Variants in TENM1 observed in about 807,000 individuals in gnomAD.
TENM1 encodes the protein teneurin transmembrane protein 1.
A neutral mutation model predicts 174.8 loss-of-function variants in TENM1; 35 were observed. The observed-to-expected ratio is 0.20, with a 90% CI of 0.15 to 0.27. TENM1 has a LOEUF of 0.27. TENM1 is among the 10% of genes least tolerant of loss of function. The pLI, the probability that TENM1 is intolerant of heterozygous loss-of-function variation, is 1.00. For synonymous variants in TENM1, 781 were observed against 798.7 expected (o/e 0.98, Z 0.37); for missense variants, 1,633 against 2,130.1 (o/e 0.77, Z 4.59).
At chrX:124,582,235 T>A (rs1321650172) in intron 11 of TENM1, among the ~76,000 whole-genome samples, 1 of 112,515 alleles carries the variant, frequency 8.9e-6, no homozygotes, top group South Asian at 3.7e-4. Context: ...TAAGGCTGCA[T>A]AGTATTCCAT....
At position 124,576,488 on chromosome X, in the gene TENM1, G is replaced by A. The variant is rs143835017; in HGVS notation, c.2078-10928C>T. On this transcript the variant is annotated intron_variant, in intron 11 of 31. Coordinates refer to ENST00000422452, the Ensembl canonical transcript of TENM1. ...CTTAGACTTTCTTATCATAATTGCCGTCTAGGTGCAGTTTGTGACCACCTA... is the reference window on the plus strand; with the variant it reads ...CTTAGACTTTCTTATCATAATTGCCATCTAGGTGCAGTTTGTGACCACCTA... Among the ~76,000 whole-genome samples the A allele has an allele frequency of 3.7e-3, 418 of 112,005 alleles. 1 individual carries two copies. The highest frequency in any genetic ancestry group is 0.013 in the African/African-American group (394 of 30,880).
At position 124,676,437 on chromosome X, in the gene TENM1, G is replaced by A. The variant is rs4402009; in HGVS notation, c.1016-4602C>T. Among the ~76,000 whole-genome samples, 14 of 101,837 alleles carry A rather than the reference G, an allele frequency of 1.4e-4. No homozygotes were observed. The South Asian group carries it at 6.5e-3, about 48-fold the overall frequency. 88.4% of individuals were successfully genotyped at this position (101,837 alleles called of 115,157 possible). A position where few individuals can be genotyped will look rare whatever the true frequency, so the allele number is the denominator to read the frequency against. ...TGTCTACTCAAATATTCCAGGAATGGTGTATTTTCAGCAGATTAAAAATGG... is the reference window on the plus strand; with the variant it reads ...TGTCTACTCAAATATTCCAGGAATGATGTATTTTCAGCAGATTAAAAATGG... On this transcript the variant is annotated intron_variant, in intron 5 of 31. Coordinates refer to ENST00000422452, the Ensembl canonical transcript of TENM1.
chrX:125,113,994 C>T, the TENM1 span, among the ~76,000 whole-genome samples: 4 of 110,760 alleles, frequency 3.6e-5, no homozygotes, highest in Non-Finnish European at 7.6e-5. Flanking sequence ...ATTCTAAAAT[C>T]GACCACATAA....
At chrX:124,450,555 G>A (rs961357593) in intron 23 of TENM1, among the ~76,000 whole-genome samples, 4 of 111,446 alleles carry the variant, frequency 3.6e-5, no homozygotes, top group South Asian at 3.8e-4. Context: ...TATCAGCAGC[G>A]TAAAAATGGA....
At position 124,733,144 on chromosome X, in the gene TENM1, G is replaced by A. The variant is rs957088742; in HGVS notation, c.776+3813C>T. Among the ~76,000 whole-genome samples the A allele has an allele frequency of 6.3e-5, 7 of 111,941 alleles. No homozygotes were observed. In the Admixed American group the frequency reaches 6.6e-4, roughly 11 times the overall value. On this transcript the variant is annotated intron_variant, in intron 4 of 31. Transcript: ENST00000422452. Reference sequence around the variant, plus strand: ...CCATTAATGTGAGGAACAGGTTGAAGGAATTGGGGAAACATTTAGCACAAA... The same window carrying A: ...CCATTAATGTGAGGAACAGGTTGAAAGAATTGGGGAAACATTTAGCACAAA...
At chrX:124,817,827 GAAGAA>G (rs1324829070) in intron 3 of TENM1, among the ~76,000 whole-genome samples, 1 of 111,620 alleles carries the variant, frequency 9.0e-6, no homozygotes, top group Non-Finnish European at 1.9e-5. Flanking sequence ...CCCCAGGAAA[GAAGAA>G]AAGAAAAGAA....
At chrX:124,419,152 T>C (rs1182336619) in intron 25 of TENM1, among the ~76,000 whole-genome samples, 1 of 112,299 alleles carries the variant, frequency 8.9e-6, no homozygotes, top group Non-Finnish European at 1.9e-5. Context: ...GACTTGCAAC[T>C]GAAACAACTG....
At chrX:124,990,718 C>T in the TENM1 span, among the ~76,000 whole-genome samples, 5 of 112,293 alleles carry the variant, frequency 4.5e-5, no homozygotes, top group Non-Finnish European at 9.4e-5. Context: ...CATTAACATA[C>T]TCTCAGTAAT....
At chrX:124,405,171 T>C (rs1869445564) in exon 27 of TENM1, 2 of 1,209,465 alleles carry the variant, frequency 1.7e-6, no homozygotes, top group Non-Finnish European at 2.2e-6. Context: ...CCTGCCAGGA[T>C]GTGGGGCTCT....
At chrX:124,381,041 T>C in exon 32 of TENM1, 1 of 1,211,831 alleles carries the variant, frequency 8.3e-7, no homozygotes, top group Non-Finnish European at 1.1e-6. Context: ...TTCCAGGTAA[T>C]GGGCATTATT....
At chrX:125,157,623 T>G in the TENM1 span, among the ~76,000 whole-genome samples, 5 of 111,964 alleles carry the variant, frequency 4.5e-5, no homozygotes, top group Non-Finnish European at 7.5e-5. Flanking sequence ...GGGAACGAAC[T>G]AGCATGCCTC....
intron 4 of TENM1, among the ~76,000 whole-genome samples, chrX:124,716,627 C>A (rs961620637): frequency 8.9e-6 from 1 of 112,077 alleles, no homozygotes; most frequent in Non-Finnish European, 1.9e-5. Flanking sequence ...AAATTGGTAG[C>A]CGGTGCCATT....
At chrX:124,753,641 T>G (rs2054143315) in intron 3 of TENM1, among the ~76,000 whole-genome samples, 1 of 110,307 alleles carries the variant, frequency 9.1e-6, no homozygotes, top group Non-Finnish European at 1.9e-5. Context: ...TAGATAGCTC[T>G]TATTATTTTG....
At chrX:124,560,321 T>C (rs746861900) in intron 14 of TENM1, among the ~76,000 whole-genome samples, 6 of 109,167 alleles carry the variant, frequency 5.5e-5, no homozygotes, top group Non-Finnish European at 1.1e-4. Flanking sequence ...ACAGTGTGTG[T>C]CTAATTATTC....
chrX:124,795,489 GCTAA>G (rs1430553414), intron 3 of TENM1, among the ~76,000 whole-genome samples: 7 of 111,750 alleles, frequency 6.3e-5, no homozygotes, highest in African/African-American at 1.9e-4. Flanking sequence ...TCATACAAAA[GCTAA>G]CTATCTTGCA....
chrX:125,004,173 A>G, the TENM1 span, among the ~76,000 whole-genome samples: 3 of 111,863 alleles, frequency 2.7e-5, no homozygotes, highest in Non-Finnish European at 3.8e-5. Flanking sequence ...ACAAGCATCA[A>G]AATCATCTGG....
rs200141105 is a variant in TENM1, at chrX:124,425,995, GGTGTGTGTGTGT to G, written c.4105-3369_4105-3358del. Reference sequence around the variant, plus strand: ...TTAAAGAGTTGGAAGCAAAAGGACTGGTGTGTGTGTGTGTGTGTGTGTGTGTGTGTGTGTGTG... The same window carrying G: ...TTAAAGAGTTGGAAGCAAAAGGACTGGTGTGTGTGTGTGTGTGTGTGTGTG... On this transcript the variant is annotated intron_variant, in intron 23 of 31. Coordinates refer to ENST00000422452, the Ensembl canonical transcript of TENM1. Among the ~76,000 whole-genome samples the G allele has an allele frequency of 8.2e-3, 718 of 87,963 alleles. 4 individuals are homozygous for G. Among genetic ancestry groups the G allele is most frequent in the East Asian group, 0.032 (86 of 2,660 alleles). The allele number at this position is 87,963 out of a possible 115,157, so 76.4% of individuals were successfully genotyped here.
chrX:124,464,802 T>C (rs966474161), intron 22 of TENM1, among the ~76,000 whole-genome samples: 2 of 112,065 alleles, frequency 1.8e-5, no homozygotes, highest in African/African-American at 6.5e-5. Context: ...TTACTGTTTT[T>C]ACCTTTCCAC....
intron 3 of TENM1, among the ~76,000 whole-genome samples, chrX:124,794,944 A>AT (rs966917170): frequency 2.7e-5 from 3 of 110,670 alleles, no homozygotes; most frequent in African/African-American, 9.9e-5. Flanking sequence ...TGAATGATTG[A>AT]TTTTCTCTTC....
Sources: gnomAD v4.1 joint callset for allele counts (sites outside exome capture counted in the v4.1 genomes callset) on GRCh38, gnomAD v4.1.1 for gene constraint, MANE v1.5 for transcripts, NCBI Gene and HGNC (gene_info 2026-07-23, HGNC 2026-07-21) for gene names.